Variants in TOPAZ1 observed in about 807,000 individuals in gnomAD.
TOPAZ1 encodes testis and ovary specific TOPAZ 1.
Under a neutral mutation model 172.2 loss-of-function variants are expected in TOPAZ1, and 66 were observed. That is an observed-to-expected ratio of 0.38 (90% CI 0.31 to 0.47). TOPAZ1 has a LOEUF of 0.47. Among genes scored for constraint, TOPAZ1 ranks in the 20% least tolerant of loss-of-function variants. The pLI is 0.99. For missense variants in TOPAZ1, 1,822 were observed against 1,972.4 expected (o/e 0.92, Z 1.44); for synonymous variants, 681 against 683.9 (o/e 1.00, Z 0.07).
At chr3:44,282,702 A>G (rs1473532251) in intron 9 of TOPAZ1, among the ~76,000 whole-genome samples, 4 of 152,146 alleles carry the variant, frequency 2.6e-5, no homozygotes, top group African/African-American at 9.7e-5. Flanking sequence ...CCCTGACACA[A>G]CCACCAAAGC....
chr3:44,282,905 AGTT>A (rs1450700365), intron 9 of TOPAZ1, among the ~76,000 whole-genome samples: 5 of 152,220 alleles, frequency 3.3e-5, no homozygotes, highest in African/African-American at 1.2e-4. Flanking sequence ...AAGAAGTAGT[AGTT>A]AAGGTGAAGT....
At chr3:44,297,136 A>C (rs1184096560) in intron 12 of TOPAZ1, among the ~76,000 whole-genome samples, 1 of 149,278 alleles carries the variant, frequency 6.7e-6, no homozygotes, top group Non-Finnish European at 1.5e-5. Context: ...GAACCATTGC[A>C]CTCCAGCCTG....
chr3:44,286,109 G>A (rs1401429654), intron 9 of TOPAZ1, among the ~76,000 whole-genome samples: 1 of 151,994 alleles, frequency 6.6e-6, no homozygotes. Flanking sequence ...CAGCTACTCT[G>A]GAGACTGAGG....
intron 16 of TOPAZ1, among the ~76,000 whole-genome samples, chr3:44,311,045 G>A (rs6441831): frequency 0.85 from 129,847 of 152,174 alleles, 55,574 homozygotes; most frequent in Middle Eastern, 0.93. Flanking sequence ...AAGGATCTCA[G>A]GAGTTTAGGT....
intron 12 of TOPAZ1, among the ~76,000 whole-genome samples, chr3:44,297,515 G>A (rs1700213452): frequency 6.6e-6 from 1 of 152,126 alleles, no homozygotes; most frequent in African/African-American, 2.4e-5. Context: ...GTATCTGTAA[G>A]AAACCTACAG....
At chr3:44,299,613 A>G (rs1700245057) in intron 12 of TOPAZ1, among the ~76,000 whole-genome samples, 2 of 152,196 alleles carry the variant, frequency 1.3e-5, no homozygotes, top group Admixed American at 1.3e-4. Context: ...TATATACCGA[A>G]AGGACTACAA....
chr3:44,288,069 G>A (rs192982452), intron 11 of TOPAZ1, among the ~76,000 whole-genome samples: 117 of 152,174 alleles, frequency 7.7e-4, no homozygotes, highest in African/African-American at 2.6e-3. Context: ...GCTTTTTGAT[G>A]TATGAATTGT....
chr3:44,325,153 G>A lies in TOPAZ1; in HGVS notation c.4675+1858G>A, dbSNP rs556431969. ...CAACATTGACATTAAAATTATATTG[G>A]AACTCCTTTTGGATTTATTTTCAGA... On this transcript the variant is annotated intron_variant, in intron 18 of 19. Transcript: ENST00000309765. Among the ~76,000 whole-genome samples the A allele has an allele frequency of 7.9e-5, 12 of 152,128 alleles. No homozygotes were observed. The South Asian group carries it at 2.5e-3, about 32-fold the overall frequency.
Position 44,290,852 on chromosome 3 carries a change from C to A in TOPAZ1, c.3763C>A (p.Gln1255Lys). 6.5e-7 allele frequency: 1 copy of A among 1,548,590 alleles called. No individual in the cohort carries two copies. Among genetic ancestry groups the A allele is most frequent in the Non-Finnish European group, 8.7e-7 (1 of 1,145,976 alleles). ...KLLYQVQASK[Q>K]EITAVLEMKS... is the part of the protein sequence containing the mutation. ...TTTATACCAAGTACAAGCTTCCAAA[C>A]AAGAAATAACTGCAGTTCTGGAAAT... Residue 1255 changes from glutamine to lysine, a missense_variant, in exon 12 of 20, where the codon CAA becomes AAA. Gln to Lys is a moderately conservative substitution (Grantham distance 53). This residue lies in a region of TOPAZ1 where 1,489 missense variants were observed against 1,490.8 expected (regional missense o/e 1.00). Coordinates refer to ENST00000309765, the MANE Select transcript of TOPAZ1 (RefSeq NM_001145030.2).
At chr3:44,320,681 C>T (rs944496585) in intron 16 of TOPAZ1, among the ~76,000 whole-genome samples, 2 of 152,126 alleles carry the variant, frequency 1.3e-5, no homozygotes, top group Non-Finnish European at 1.5e-5. Context: ...AATTGTTAAA[C>T]TTGTCCACAT....
Position 44,306,409 on chromosome 3 carries a change from C to A in TOPAZ1, c.4123C>A (p.Leu1375Met). 6.5e-7 allele frequency: 1 copy of A among 1,541,248 alleles called. No individual in the cohort carries two copies. Among genetic ancestry groups the A allele is most frequent in the Non-Finnish European group, 8.8e-7 (1 of 1,139,422 alleles). Residue 1375 changes from leucine (L) to methionine (M), a missense_variant, in exon 15 of 20, where the codon CTG becomes ATG. Transcript: ENST00000309765. ...GISAMYFYHK[L>M]LQWSKGRKVL... Reference sequence around the variant, plus strand: ...CAGTGCTATGTACTTCTATCACAAGCTGTTGCAGTGGTCCAAGGTACTTCA... The same window carrying A: ...CAGTGCTATGTACTTCTATCACAAGATGTTGCAGTGGTCCAAGGTACTTCA...
chr3:44,293,165 C>T (rs188027813), intron 12 of TOPAZ1, among the ~76,000 whole-genome samples: 20 of 152,266 alleles, frequency 1.3e-4, no homozygotes, highest in African/African-American at 3.4e-4. Flanking sequence ...AAACTTACTG[C>T]GCTGCCAGTC....
intron 18 of TOPAZ1, 58 bp from the exon 19 acceptor site, chr3:44,328,192 A>G: frequency 8.8e-7 from 1 of 1,133,394 alleles, no homozygotes; most frequent in Non-Finnish European, 1.2e-6. Flanking sequence ...TATTTCAGAA[A>G]TCTAGGTTTT....
chr3:44,298,891 T>TTATATATATATATATATA (rs201179432), intron 12 of TOPAZ1, among the ~76,000 whole-genome samples: 4 of 17,124 alleles, frequency 2.3e-4, no homozygotes, highest in Non-Finnish European at 3.5e-4. Context: ...TGTATATATA[T>TTATATATATATATATATA]TATATATATA....
intron 16 of TOPAZ1, among the ~76,000 whole-genome samples, chr3:44,318,577 G>A (rs1191912143): frequency 2.0e-5 from 3 of 151,722 alleles, no homozygotes; most frequent in Non-Finnish European, 4.4e-5. Flanking sequence ...TGCCTTGTAC[G>A]GGCCTCAGTT....
intron 16 of TOPAZ1, among the ~76,000 whole-genome samples, chr3:44,312,019 C>T (rs1700402348): frequency 6.6e-6 from 1 of 151,804 alleles, no homozygotes; most frequent in Non-Finnish European, 1.5e-5. Flanking sequence ...AGAATTTGTA[C>T]TGCACACACA....
At chr3:44,246,282 A>G (rs1344876381) in intron 2 of TOPAZ1, among the ~76,000 whole-genome samples, 1 of 152,152 alleles carries the variant, frequency 6.6e-6, no homozygotes, top group Admixed American at 6.5e-5. Context: ...ATTTAATATT[A>G]TGTCATATTT....
rs542771258 is a variant in TOPAZ1, at chr3:44,244,319, G to A, written c.1813G>A (p.Gly605Arg). Residue 605 changes from glycine to arginine, a missense_variant, in exon 2 of 20, where the codon GGG (glycine) becomes AGG (arginine). Physicochemically the swap from Gly to Arg is moderately radical, Grantham distance 125. Around this residue, in one of 2 missense-constraint regions of TOPAZ1, gnomAD observed 1,489 missense variants for 1,490.8 expected, o/e 1.00. Transcript: ENST00000309765. ...KIKSEELSRR[G>R]SEVISNTTED... ...AAAATCAGAGGAACTGAGCAGAAGA[G>A]GGTCAGAGGTAATTTCTAACACTAC... 1.3e-5 allele frequency: 20 copies of A among 1,550,820 alleles called. No homozygotes were observed. In the African/African-American group the frequency reaches 1.5e-4, roughly 12 times the overall value.
Position 44,245,227 on chromosome 3 carries a change from G to A in TOPAZ1, c.2721G>A (p.Lys907=), listed in dbSNP as rs1184598359. Residue 907 remains lysine (K), a synonymous_variant, in exon 2 of 20, where the codon AAG becomes AAA. Coordinates refer to ENST00000309765, the MANE Select transcript of TOPAZ1 (RefSeq NM_001145030.2). The part of the protein sequence containing the change: ...VAGEHQSTDS[K]YMETPVKKEP... ...GAGAGCACCAATCAACAGACTCCAAGTACATGGAAACTCCAGTAAAAAAAG... is the reference window on the plus strand; with the variant it reads ...GAGAGCACCAATCAACAGACTCCAAATACATGGAAACTCCAGTAAAAAAAG... 5 of 1,545,108 alleles carry A rather than the reference G, an allele frequency of 3.2e-6. No homozygotes were observed. Among genetic ancestry groups the A allele is most frequent in the Non-Finnish European group, 3.5e-6 (4 of 1,145,226 alleles).
Sources: allele counts gnomAD v4.1 joint callset (sites outside exome capture counted in the v4.1 genomes callset), GRCh38; gene constraint gnomAD v4.1.1; regional missense constraint gnomAD v4.1.1; transcripts MANE v1.5; gene names NCBI Gene and HGNC (gene_info 2026-07-23, HGNC 2026-07-21).